The following AGAP1 variants were observed in gnomAD, a reference collection of about 807,000 sequenced individuals.
AGAP1 encodes the protein ArfGAP with GTPase domain, ankyrin repeat and PH domain 1, also known as arf-GAP with GTPase, ANK repeat and PH domain-containing protein 1.
In AGAP1, 29 loss-of-function variants were observed where a neutral mutation model predicts 105.3. That is an observed-to-expected ratio of 0.28 (90% CI 0.21 to 0.38). The LOEUF (loss-of-function observed/expected upper bound fraction) is 0.38, where lower values mean the gene tolerates loss of function less well. AGAP1 is among the 10% of genes least tolerant of loss of function. AGAP1 has a pLI of 1.00. For synonymous variants in AGAP1, 509 were observed against 485.9 expected (o/e 1.05, Z -0.63); for missense variants, 998 against 1,165.1 (o/e 0.86, Z 2.09).
At position 236,121,625 on chromosome 2, in the gene AGAP1, G is replaced by T. The variant is rs1416939032; in HGVS notation, c.2370+1178G>T. 6.6e-6 allele frequency among the ~76,000 whole-genome samples: 1 copy of T among 152,158 alleles called. No individual in the cohort carries two copies. The highest frequency in any genetic ancestry group is 2.4e-5 in the African/African-American group (1 of 41,448). On this transcript the variant is annotated intron_variant, in intron 17 of 17. Coordinates refer to ENST00000304032, the MANE Select transcript of AGAP1 (RefSeq NM_001037131.3). The surrounding 1 kb of genome is among the most constrained non-coding windows in gnomAD (Gnocchi z 4.9). ...TGATCTGACTTTTTTGATGGGTGCAGTTGGTGAATGAGTGAGATATAGACA... is the reference window on the plus strand; with the variant it reads ...TGATCTGACTTTTTTGATGGGTGCATTTGGTGAATGAGTGAGATATAGACA...
intron 9 of AGAP1, among the ~76,000 whole-genome samples, chr2:235,832,315 A>G (rs1157745334): frequency 6.6e-6 from 1 of 151,926 alleles, no homozygotes; most frequent in Non-Finnish European, 1.5e-5. Context: ...TTCTCCTTCA[A>G]GGTTCTCCAG....
intron 1 of AGAP1, among the ~76,000 whole-genome samples, chr2:235,547,083 T>C (rs902982691): frequency 2.0e-5 from 3 of 152,026 alleles, no homozygotes; most frequent in African/African-American, 7.2e-5. Context: ...CCCCATGCTT[T>C]TAGGATCGTG....
intron 11 of AGAP1, among the ~76,000 whole-genome samples, chr2:235,913,252 ATATG>A (rs1475608737): frequency 6.6e-6 from 1 of 152,090 alleles, no homozygotes; most frequent in Non-Finnish European, 1.5e-5. Flanking sequence ...CTTAAAAAAT[ATATG>A]TATGTGTTTA....
In AGAP1 at chr2:235,625,229, C is replaced by T. The variant is rs1461464082; in HGVS notation, c.164-83950C>T. 6.6e-6 allele frequency among the ~76,000 whole-genome samples: 1 copy of T among 152,192 alleles called. No homozygotes were observed. The highest frequency in any genetic ancestry group is 2.4e-5 in the African/African-American group (1 of 41,452). On this transcript the variant is annotated intron_variant, in intron 1 of 17. Transcript: ENST00000304032. This position sits in a 1 kb window ranked among gnomAD's most constrained non-coding sequence, Gnocchi z 4.0. ...AACTCTCTGACTCCAGCAGTCCCCT[C>T]TGCACATGCCTGAACTGCTTCAGGG... is the stretch of plus-strand genomic sequence containing the variant.
At chr2:235,653,420 C>A (rs576600344) in intron 1 of AGAP1, among the ~76,000 whole-genome samples, 1 of 151,968 alleles carries the variant, frequency 6.6e-6, no homozygotes, top group Non-Finnish European at 1.5e-5. Context: ...GCCGAGATAG[C>A]GCCACTGCAT....
At chr2:235,966,622 G>A (rs996430220) in intron 12 of AGAP1, among the ~76,000 whole-genome samples, 2 of 152,126 alleles carry the variant, frequency 1.3e-5, no homozygotes, top group Non-Finnish European at 2.9e-5. Context: ...TCCGCCTTTT[G>A]TGAGTGAGTG....
Position 235,864,638 on chromosome 2 carries a change from G to C in AGAP1, c.1051-18707G>C, listed in dbSNP as rs1193808465. ...TGTCGTCCCTGAAAATCTTGTGACA[G>C]GGAGAGACAGAGTGAAAGGAAAGAA... is the stretch of plus-strand genomic sequence containing the variant. On this transcript the variant is annotated intron_variant, in intron 9 of 17. Transcript: ENST00000304032. The surrounding 1 kb of genome is among the most constrained non-coding windows in gnomAD (Gnocchi z 5.0). Among the ~76,000 whole-genome samples the C allele has an allele frequency of 6.6e-6, 1 of 152,178 alleles. No individual in the cohort carries two copies. The highest frequency in any genetic ancestry group is 1.5e-5 in the Non-Finnish European group (1 of 68,036).
intron 11 of AGAP1, among the ~76,000 whole-genome samples, chr2:235,918,053 G>T (rs1268129971): frequency 6.6e-6 from 1 of 152,206 alleles, no homozygotes; most frequent in African/African-American, 2.4e-5. Context: ...GGAGTCTGTT[G>T]TGGGCCCTGG....
At chr2:235,819,141 G>A (rs1439869521) in intron 9 of AGAP1, among the ~76,000 whole-genome samples, 54 of 147,754 alleles carry the variant, frequency 3.7e-4, no homozygotes, top group African/African-American at 1.3e-3. Context: ...TGGAGACAGA[G>A]TCTACTCTGA....
Position 235,968,559 on chromosome 2 carries a change from G to C in AGAP1, c.1581G>C (p.Lys527Asn). Residue 527 changes from lysine to asparagine, a missense_variant, in exon 13 of 18, where the codon AAG becomes AAC. Physicochemically the swap from Lys to Asn is moderately conservative, Grantham distance 94 (BLOSUM62 0). Coordinates refer to ENST00000304032, the MANE Select transcript of AGAP1 (RefSeq NM_001037131.3). ...CCCCCTCCCCTCACGCCAACAGAAA[G>C]AAGCACCGAAGGAAGAAAAGCACTA... Reference protein sequence around the residue: ...DPPPSPHANRKKHRRKKSTSN... With the variant: ...DPPPSPHANRNKHRRKKSTSN... 1 of 1,570,062 alleles carries C rather than the reference G, an allele frequency of 6.4e-7. No individual in the cohort carries two copies. Among genetic ancestry groups the C allele is most frequent in the Non-Finnish European group, 8.6e-7 (1 of 1,164,426 alleles).
chr2:235,494,576 C>G lies in AGAP1; in HGVS notation c.-111C>G, dbSNP rs1941221252. 4.5e-6 allele frequency: 1 copy of G among 222,928 alleles called. No individual in the cohort carries two copies. The highest frequency in any genetic ancestry group is 7.1e-6 in the Non-Finnish European group (1 of 140,384). 13.8% of individuals were successfully genotyped at this position (222,928 alleles called of 1,614,324 possible). A position where few individuals can be genotyped will look rare whatever the true frequency, so the allele number is the denominator to read the frequency against. ...TCGCGCCTCCTCCGCCCGCCGCCGG[C>G]GGGCCCGGCTCCCCGGGGGCTGCGG... is the stretch of plus-strand genomic sequence containing the variant. On this transcript the variant is annotated 5_prime_UTR_variant, in exon 1 of 18. Transcript: ENST00000304032.
At chr2:235,644,847 C>A (rs1413750844) in intron 1 of AGAP1, among the ~76,000 whole-genome samples, 1 of 151,724 alleles carries the variant, frequency 6.6e-6, no homozygotes, top group African/African-American at 2.4e-5. Context: ...GGATGACTTG[C>A]GTAGATTGCA....
chr2:235,894,299 A>G (rs1474110736), intron 10 of AGAP1, among the ~76,000 whole-genome samples: 26 of 152,072 alleles, frequency 1.7e-4, no homozygotes, highest in South Asian at 2.1e-4. Context: ...GACCGAAGAG[A>G]TAATCCCCAT....
At chr2:235,903,702 T>G (rs2051166889) in intron 10 of AGAP1, among the ~76,000 whole-genome samples, 2 of 152,152 alleles carry the variant, frequency 1.3e-5, no homozygotes, top group South Asian at 4.1e-4. Context: ...CAAGACAAGA[T>G]GTACACACCT....
At position 236,083,736 on chromosome 2, in the gene AGAP1, G is replaced by A. The variant is rs1337992966; in HGVS notation, c.2114+34455G>A. ...ATACCTTAAAAATACTGCACATTAAGTCTGTTTTTTTACAGAAGGATAAAT... is the reference window on the plus strand; with the variant it reads ...ATACCTTAAAAATACTGCACATTAAATCTGTTTTTTTACAGAAGGATAAAT... On this transcript the variant is annotated intron_variant, in intron 16 of 17. Transcript: ENST00000304032. The surrounding 1 kb of genome is among the most constrained non-coding windows in gnomAD (Gnocchi z 5.3). 1.3e-5 allele frequency among the ~76,000 whole-genome samples: 2 copies of A among 152,004 alleles called. No individual in the cohort carries two copies. Among genetic ancestry groups the A allele is most frequent in the Non-Finnish European group, 2.9e-5 (2 of 68,014 alleles).
Position 235,660,970 on chromosome 2 carries a change from C to T in AGAP1, c.164-48209C>T, listed in dbSNP as rs899980427. Among the ~76,000 whole-genome samples the T allele has an allele frequency of 6.6e-6, 1 of 152,056 alleles. No homozygotes were observed. Among genetic ancestry groups the T allele is most frequent in the Admixed American group, 6.6e-5 (1 of 15,262 alleles). ...CTGTGGAGACTGGAGGGTGTCGGGG[C>T]GTTGAATACTGGTTAAGGAAACGGA... On this transcript the variant is annotated intron_variant, in intron 1 of 17. Transcript: ENST00000304032. The surrounding 1 kb of genome is among the most constrained non-coding windows in gnomAD (Gnocchi z 5.3).
chr2:235,857,203 C>T (rs147261287), intron 9 of AGAP1, among the ~76,000 whole-genome samples: 399 of 152,200 alleles, frequency 2.6e-3, no homozygotes, highest in African/African-American at 9.2e-3. Context: ...GTCAGATCAG[C>T]GGAGGCATTA....
rs1223158480 is a variant in AGAP1, at chr2:235,977,927, A to G, written c.1645+9304A>G. Among the ~76,000 whole-genome samples, 7 of 152,308 alleles carry G rather than the reference A, an allele frequency of 4.6e-5. No homozygotes were observed. In the East Asian group the frequency reaches 7.7e-4, roughly 17 times the overall value. ...CATTTATCATGGTTCTGAAGGCTGC[A>G]AAGTCCAAGATCACGGCACCAGCTG... On this transcript the variant is annotated intron_variant, in intron 13 of 17. Coordinates refer to ENST00000304032, the MANE Select transcript of AGAP1 (RefSeq NM_001037131.3). The surrounding 1 kb of genome is among the most constrained non-coding windows in gnomAD (Gnocchi z 5.2).
At position 235,777,227 on chromosome 2, in the gene AGAP1, G is replaced by C. The variant is rs1955946756; in HGVS notation, c.674-20532G>C. Among the ~76,000 whole-genome samples the C allele has an allele frequency of 6.6e-6, 1 of 152,212 alleles. No individual in the cohort carries two copies. Among genetic ancestry groups the C allele is most frequent in the African/African-American group, 2.4e-5 (1 of 41,456 alleles). On this transcript the variant is annotated intron_variant, in intron 6 of 17. Transcript: ENST00000304032. This position sits in a 1 kb window ranked among gnomAD's most constrained non-coding sequence, Gnocchi z 5.1. Reference sequence around the variant, plus strand: ...CAAAAAATTAGCCAGGCGTGCGCCTGTAATCCCAGCTACTCGGGAGTCTGA... The same window carrying C: ...CAAAAAATTAGCCAGGCGTGCGCCTCTAATCCCAGCTACTCGGGAGTCTGA...
Sources: gnomAD v4.1 joint callset for allele counts (sites outside exome capture counted in the v4.1 genomes callset) on GRCh38, gnomAD v4.1.1 for gene constraint, Gnocchi (gnomAD v3.1) non-coding constraint, MANE v1.5 for transcripts, NCBI Gene and HGNC (gene_info 2026-07-23, HGNC 2026-07-21) for gene names.